CYP2C19: variants seen among roughly 807,000 people sequenced by gnomAD.
CYP2C19 encodes the protein cytochrome P450 2C19.
A neutral mutation model predicts 40.9 loss-of-function variants in CYP2C19; 59 were observed. The observed-to-expected ratio is 1.44, with a 90% CI of 1.17 to 1.79. CYP2C19 has a LOEUF of 1.79. Among genes scored for constraint, CYP2C19 ranks in the 40% most tolerant of loss-of-function variants. The pLI, the probability that CYP2C19 is intolerant of heterozygous loss-of-function variation, is 0.00. For synonymous variants in CYP2C19, 253 were observed against 208.7 expected (o/e 1.21, Z -1.83); for missense variants, 754 against 596.9 (o/e 1.26, Z -2.74).
chr10:94,806,994 C>G (rs1417322530), intron 5 of CYP2C19, among the ~76,000 whole-genome samples: 1 of 152,048 alleles, frequency 6.6e-6, no homozygotes, highest in African/African-American at 2.4e-5. Flanking sequence ...TATAACTTTT[C>G]TCTTTTGTAT....
In CYP2C19 at chr10:94,781,820, G is replaced by T; in HGVS notation, c.643-1G>T. On this transcript the variant is annotated splice_acceptor_variant, in intron 4 of 8. Coordinates refer to ENST00000371321, the MANE Select transcript of CYP2C19 (RefSeq NM_000769.4). LOFTEE classifies it high-confidence loss of function. ...TTTAATAAATTATTGTTTTCTCTTA[G>T]ATATGCAATAATTTTCCCACTATCA... is the stretch of plus-strand genomic sequence containing the variant. The T allele has an allele frequency of 7.1e-7, 1 of 1,400,224 alleles. No homozygotes were observed. Among genetic ancestry groups the T allele is most frequent in the Non-Finnish European group, 9.4e-7 (1 of 1,061,078 alleles). The allele number at this position is 1,400,224 out of a possible 1,614,324, so 86.7% of individuals were successfully genotyped here.
intron 7 of CYP2C19, 113 bp from the exon 8 acceptor site, chr10:94,849,804 G>A (rs1262220975): frequency 7.7e-7 from 1 of 1,301,172 alleles, no homozygotes; most frequent in Non-Finnish European, 1.1e-6. Context: ...GCTCTTCTTT[G>A]GAATGGTGTT....
chr10:94,829,046 T>G (rs938216749), intron 6 of CYP2C19, among the ~76,000 whole-genome samples: 17 of 152,240 alleles, frequency 1.1e-4, no homozygotes, highest in African/African-American at 3.9e-4. Flanking sequence ...GTTAGTCAGA[T>G]GGGCTTCCCT....
At chr10:94,775,863 T>C (rs747476652) in intron 3 of CYP2C19, 4 of 389,856 alleles carry the variant, frequency 1.0e-5, no homozygotes, top group Non-Finnish European at 1.9e-5. Flanking sequence ...GCAGTGTTTT[T>C]CCCATTATCT....
At chr10:94,817,573 C>T (rs1050264587) in intron 5 of CYP2C19, among the ~76,000 whole-genome samples, 3 of 144,860 alleles carry the variant, frequency 2.1e-5, no homozygotes, top group African/African-American at 7.8e-5. Context: ...TGCAGAAGCT[C>T]TTTAGTTTAA....
chr10:94,817,529 T>G (rs1042290469), intron 5 of CYP2C19, among the ~76,000 whole-genome samples: 1 of 145,794 alleles, frequency 6.9e-6, no homozygotes, highest in African/African-American at 2.6e-5. Flanking sequence ...TGTTGTAGGT[T>G]GCCTGTTCAC....
intron 7 of CYP2C19, among the ~76,000 whole-genome samples, chr10:94,844,602 G>GA (rs950948185): frequency 3.3e-5 from 5 of 152,040 alleles, no homozygotes; most frequent in African/African-American, 1.2e-4. Flanking sequence ...TTTTCAAGGG[G>GA]AAAAATCAAT....
intron 6 of CYP2C19, among the ~76,000 whole-genome samples, chr10:94,822,359 C>G (rs1488118191): frequency 6.6e-6 from 1 of 152,106 alleles, no homozygotes; most frequent in African/African-American, 2.4e-5. Flanking sequence ...CCCATTGAGT[C>G]CCTCCCATGA....
At chr10:94,779,540 ACT>A (rs1491422779) in intron 3 of CYP2C19, among the ~76,000 whole-genome samples, 1 of 87,154 alleles carries the variant, frequency 1.1e-5, no homozygotes, top group African/African-American at 4.2e-5. Flanking sequence ...TTATTAATTT[ACT>A]TTTTTTCCTT....
intron 5 of CYP2C19, among the ~76,000 whole-genome samples, chr10:94,817,984 G>C (rs1423672816): frequency 1.5e-5 from 2 of 130,706 alleles, no homozygotes; most frequent in African/African-American, 2.9e-5. Flanking sequence ...CTGCACTCCA[G>C]CCTGGGCGAC....
chr10:94,845,416 CA>C (rs1161921750), intron 7 of CYP2C19, among the ~76,000 whole-genome samples: 4 of 152,246 alleles, frequency 2.6e-5, no homozygotes, highest in Middle Eastern at 3.4e-3. Flanking sequence ...ACATACTATA[CA>C]AAAACAGGTG....
intron 5 of CYP2C19, among the ~76,000 whole-genome samples, chr10:94,818,329 C>T (rs1849045834): frequency 6.6e-6 from 1 of 151,082 alleles, no homozygotes; most frequent in Non-Finnish European, 1.5e-5. Flanking sequence ...AGTGTGATGC[C>T]TCCAGCTTTG....
intron 6 of CYP2C19, among the ~76,000 whole-genome samples, chr10:94,838,468 T>A (rs2097083998): frequency 6.6e-6 from 1 of 152,232 alleles, no homozygotes; most frequent in African/African-American, 2.4e-5. Context: ...CAGGGTTATC[T>A]GATCTAAAAT....
chr10:94,775,793 G>A (rs1323194525), intron 3 of CYP2C19: 18 of 553,986 alleles, frequency 3.2e-5, no homozygotes, highest in Non-Finnish European at 6.2e-6. Flanking sequence ...TTGCTTCTTT[G>A]TTTTCAAATA....
intron 7 of CYP2C19, among the ~76,000 whole-genome samples, chr10:94,848,494 T>C (rs1376643754): frequency 6.6e-6 from 1 of 152,182 alleles, no homozygotes; most frequent in African/African-American, 2.4e-5. Context: ...TGTAGTATAG[T>C]TTGAAGTCAG....
chr10:94,837,391 C>A (rs1392342814), intron 6 of CYP2C19, among the ~76,000 whole-genome samples: 1 of 152,096 alleles, frequency 6.6e-6, no homozygotes, highest in African/African-American at 2.4e-5. Flanking sequence ...CTTTGCTCAT[C>A]CATATTGTCC....
chr10:94,844,775 G>C (rs562300516), intron 7 of CYP2C19, among the ~76,000 whole-genome samples: 1 of 152,090 alleles, frequency 6.6e-6, no homozygotes, highest in Non-Finnish European at 1.5e-5. Context: ...CCAGGAGAAG[G>C]CTTTCGCTTC....
chr10:94,834,670 C>G (rs748125938), intron 6 of CYP2C19, among the ~76,000 whole-genome samples: 1 of 151,936 alleles, frequency 6.6e-6, no homozygotes, highest in Non-Finnish European at 1.5e-5. Flanking sequence ...GGTTTATATC[C>G]CAATCATTGT....
At chr10:94,836,370 G>A (rs1034884408) in intron 6 of CYP2C19, among the ~76,000 whole-genome samples, 6 of 152,164 alleles carry the variant, frequency 3.9e-5, no homozygotes, top group Admixed American at 1.3e-4. Context: ...TTGGACCTGT[G>A]TAAGGACTCC....
Sources: gnomAD v4.1 joint callset for allele counts (sites outside exome capture counted in the v4.1 genomes callset) on GRCh38, gnomAD v4.1.1 for gene constraint, MANE v1.5 for transcripts, NCBI Gene and HGNC (gene_info 2026-07-23, HGNC 2026-07-21) for gene names.